Variants in PTH1R observed in about 807,000 individuals in gnomAD.
The protein encoded by PTH1R is parathyroid hormone 1 receptor.
A neutral mutation model predicts 70.7 loss-of-function variants in PTH1R; 32 were observed. That is an observed-to-expected ratio of 0.45 (90% CI 0.34 to 0.61). PTH1R has a LOEUF of 0.61. PTH1R is among the 20% of genes least tolerant of loss of function. The probability of loss-of-function intolerance (pLI) is 0.01; values close to 1 mark genes in which losing one functional copy is unlikely to be tolerated. For synonymous variants in PTH1R, 329 were observed against 324.8 expected, an observed-to-expected ratio of 1.01 and a Z score of -0.14; for missense variants, 626 against 792.5, an observed-to-expected ratio of 0.79 and a Z score of 2.52.
chr3:46,898,267 C>T lies in PTH1R; in HGVS notation c.543+75C>T, dbSNP rs1031513120. 1.4e-5 allele frequency: 22 copies of T among 1,575,310 alleles called. No homozygotes were observed. The African/African-American group carries it at 2.8e-4, about 20-fold the overall frequency. ...CCCACGGGTGACCCCTGACCCAGCCCTGACCCCTGACCTTGACTCCTCCAG... is the reference window on the plus strand; with the variant it reads ...CCCACGGGTGACCCCTGACCCAGCCTTGACCCCTGACCTTGACTCCTCCAG... On this transcript the variant is annotated intron_variant, in intron 7 of 15. Transcript: ENST00000449590.
chr3:46,899,502 G>A lies in PTH1R; in HGVS notation c.988+46G>A, dbSNP rs770799664. On this transcript the variant is annotated intron_variant, in intron 10 of 15. Transcript: ENST00000449590. ...GCGAGGTGCCGGCAGGGGTGGGACC[G>A]TGGGTGACAGGGAGAGGGCAGCCCC... is the stretch of plus-strand genomic sequence containing the variant. 5.7e-6 allele frequency: 9 copies of A among 1,588,406 alleles called. 1 individual carries two copies. The highest frequency in any genetic ancestry group is 5.1e-5 in the Admixed American group (3 of 59,378).
At position 46,900,551 on chromosome 3, in the gene PTH1R, T is replaced by C. The variant is rs990948709; in HGVS notation, c.989-474T>C. On this transcript the variant is annotated intron_variant, in intron 10 of 15. Transcript: ENST00000449590. ...GACACACCGAGGTCTCCCTGTGGCC[T>C]CTGCTTGGGACAAAACCTCTCACCC... Among the ~76,000 whole-genome samples the C allele has an allele frequency of 2.6e-5, 4 of 151,976 alleles. No homozygotes were observed. The South Asian group carries it at 8.3e-4, about 31-fold the overall frequency.
rs4683300 is a variant in PTH1R at position 46,892,802 on chromosome 3, C to A, written c.76-1105C>A. On this transcript the variant is annotated intron_variant, in intron 3 of 15. Transcript: ENST00000449590. The surrounding 1 kb of genome is among the most constrained non-coding windows in gnomAD (Gnocchi z 5.2). Reference sequence around the variant, plus strand: ...CAGCTCTGCCGCGGAGCTGAGGAGACGTAGCCTTCTGGGGTAGGGATGGAG... The same window carrying A: ...CAGCTCTGCCGCGGAGCTGAGGAGAAGTAGCCTTCTGGGGTAGGGATGGAG... The A allele has an allele frequency of 0.57, 564,532 of 985,226 alleles. 165,183 individuals are homozygous for A. The highest frequency in any genetic ancestry group is 0.6 in the Non-Finnish European group (496,084 of 829,792). The allele number at this position is 985,226 out of a possible 1,614,324, so 61.0% of individuals were successfully genotyped here.
At position 46,886,495 on chromosome 3, in the gene PTH1R, T is replaced by C. The variant is rs780997728; in HGVS notation, c.75+2861T>C. Among the ~76,000 whole-genome samples, 15 of 152,160 alleles carry C rather than the reference T, an allele frequency of 9.9e-5. No homozygotes were observed. In the South Asian group the frequency reaches 1.0e-3, roughly 11 times the overall value. ...GCCTCAGCCTCCTCAGTAGCTGGGA[T>C]TACAGGCGCCCGCCACCATGCCCAG... On this transcript the variant is annotated intron_variant, in intron 3 of 15. Coordinates refer to ENST00000449590, the MANE Select transcript of PTH1R (RefSeq NM_000316.3).
chr3:46,883,614 C>T lies in PTH1R; in HGVS notation c.55C>T (p.Leu19Phe), dbSNP rs1406684330. The T allele has an allele frequency of 6.5e-7, 1 of 1,544,720 alleles. No homozygotes were observed. The highest frequency in any genetic ancestry group is 2.0e-5 in the Admixed American group (1 of 51,020). ...GLALLLCCPV[L>F]SSAYALVDAD... ...GGCGCTCCTGCTCTGCTGCCCCGTG[C>T]TCAGCTCCGCGTACGCGCTGGTGAG... The change falls in exon 3 of 16, where the codon CTC (leucine) becomes TTC (phenylalanine). Residue 19 changes from leucine to phenylalanine, a missense_variant. This residue lies in a region of PTH1R where 123 missense variants were observed against 125.7 expected (regional missense o/e 0.98). Coordinates refer to ENST00000449590, the MANE Select transcript of PTH1R (RefSeq NM_000316.3). This position sits in a 1 kb window ranked among gnomAD's most constrained non-coding sequence, Gnocchi z 6.4.
chr3:46,894,269 C>A (rs540825860), intron 4 of PTH1R, among the ~76,000 whole-genome samples: 13 of 152,236 alleles, frequency 8.5e-5, no homozygotes, highest in African/African-American at 3.1e-4. Flanking sequence ...TGATAGCTGT[C>A]GGGTTAATCT....
chr3:46,894,060 C>G (rs2031591199), intron 4 of PTH1R, 51 bp downstream of exon 4: 1 of 1,570,608 alleles, frequency 6.4e-7, no homozygotes, highest in South Asian at 1.1e-5. Context: ...GAGGGAGGGG[C>G]CAGTCAAGGG....
intron 7 of PTH1R, 22 bp from the exon 8 acceptor site, chr3:46,898,356 T>C (rs370790055): frequency 3.8e-5 from 62 of 1,611,192 alleles, no homozygotes; most frequent in African/African-American, 5.3e-5. Flanking sequence ...GCTCTGACTG[T>C]GTCTCCCCCC....
chr3:46,888,905 C>G (rs964336038), intron 3 of PTH1R, among the ~76,000 whole-genome samples: 6 of 152,244 alleles, frequency 3.9e-5, no homozygotes, highest in South Asian at 2.1e-4. Flanking sequence ...CTCTTCCCCC[C>G]CAGCCCCTCC....
Position 46,895,771 on chromosome 3 carries a change from C to A in PTH1R, c.215C>A (p.Ala72Glu), listed in dbSNP as rs572975854. ...GAATCAGACAAGGGATGGACATCTG[C>A]GTCCACATCAGGGAAGCCCAGGAAA... ...IMESDKGWTSASTSGKPRKDK... is the reference protein window; with the variant it reads ...IMESDKGWTSESTSGKPRKDK... The change falls in exon 5 of 16, where the codon GCG (alanine) becomes GAG (glutamate). Residue 72 changes from alanine to glutamate, a missense_variant. Transcript: ENST00000449590. The A allele has an allele frequency of 6.2e-7, 1 of 1,614,024 alleles. No homozygotes were observed. The highest frequency in any genetic ancestry group is 1.3e-5 in the African/African-American group (1 of 74,908).
chr3:46,898,679 G>C lies in PTH1R; in HGVS notation c.656G>C (p.Arg219Pro). The C allele has an allele frequency of 6.2e-7, 1 of 1,612,406 alleles. No individual in the cohort carries two copies. Among genetic ancestry groups the C allele is most frequent in the Admixed American group, 1.7e-5 (1 of 60,012 alleles). ...CCCCGCAGGCGGCTGCACTGCACGCGCAACTACATCCACATGCACCTGTTC... is the reference window on the plus strand; with the variant it reads ...CCCCGCAGGCGGCTGCACTGCACGCCCAACTACATCCACATGCACCTGTTC... ...LAYFRRLHCT[R>P]NYIHMHLFLS... is the part of the protein sequence containing the mutation. Residue 219 changes from arginine (R) to proline (P), a missense_variant, in exon 9 of 16, where the codon CGC becomes CCC. This residue lies in a region of PTH1R where 495 missense variants were observed against 638.7 expected (regional missense o/e 0.77). Coordinates refer to ENST00000449590, the MANE Select transcript of PTH1R (RefSeq NM_000316.3).
chr3:46,892,849 C>T lies in PTH1R; in HGVS notation c.76-1058C>T, dbSNP rs2031513114. 1.0e-6 allele frequency: 1 copy of T among 970,452 alleles called. No homozygotes were observed. Among genetic ancestry groups the T allele is most frequent in the Non-Finnish European group, 1.2e-6 (1 of 816,278 alleles). The allele number at this position is 970,452 out of a possible 1,614,324, so 60.1% of individuals were successfully genotyped here. A position where few individuals can be genotyped will look rare whatever the true frequency, so the allele number is the denominator to read the frequency against. On this transcript the variant is annotated intron_variant, in intron 3 of 15. Coordinates refer to ENST00000449590, the MANE Select transcript of PTH1R (RefSeq NM_000316.3). The surrounding 1 kb of genome is among the most constrained non-coding windows in gnomAD (Gnocchi z 5.2). The stretch of plus-strand genomic sequence containing the variant: ...GGAGGGGGTCGTCTCAGGGGACATA[C>T]CCCTGCCCAGGGGTCTGAGGAAACA...
intron 7 of PTH1R, 72 bp downstream of exon 7, chr3:46,898,264 GCCCTGAC>G: frequency 6.3e-7 from 1 of 1,582,316 alleles, no homozygotes; most frequent in Admixed American, 1.7e-5. Context: ...CCCTGACCCA[GCCCTGAC>G]CCCTGACCTT....
At chr3:46,900,281 T>C (rs776382511) in intron 10 of PTH1R, among the ~76,000 whole-genome samples, 1 of 152,294 alleles carries the variant, frequency 6.6e-6, no homozygotes, top group East Asian at 1.9e-4. Context: ...GCTCTGGGGC[T>C]AGGAGGTGTC....
rs2032248901 is a variant in PTH1R, at chr3:46,903,410, G to A, written c.1536G>A (p.Val512=). 12 of 1,613,154 alleles carry A rather than the reference G, an allele frequency of 7.4e-6. No individual in the cohort carries two copies. Among genetic ancestry groups the A allele is most frequent in the Non-Finnish European group, 8.5e-6 (10 of 1,179,724 alleles). The change falls in exon 16 of 16, where the codon GTG becomes GTA. Residue 512 remains valine, a synonymous_variant. Transcript: ENST00000449590. The surrounding 1 kb of genome is among the most constrained non-coding windows in gnomAD (Gnocchi z 4.4). The stretch of plus-strand genomic sequence containing the variant: ...GTGTGACCAATGTCGGCCCCCGTGT[G>A]GGACTCGGCCTGCCCCTCAGCCCCC... ...HTSVTNVGPR[V]GLGLPLSPRL...
At position 46,902,903 on chromosome 3, in the gene PTH1R, C is replaced by T. The variant is rs1200508847; in HGVS notation, c.1395+113C>T. On this transcript the variant is annotated intron_variant, in intron 15 of 15. Coordinates refer to ENST00000449590, the MANE Select transcript of PTH1R (RefSeq NM_000316.3). This position sits in a 1 kb window ranked among gnomAD's most constrained non-coding sequence, Gnocchi z 5.4. ...TGTTATTTCTTTGTTCCTCCAAGAACACCCCTGAGGACATTCTGAAAGCAG... is the reference window on the plus strand; with the variant it reads ...TGTTATTTCTTTGTTCCTCCAAGAATACCCCTGAGGACATTCTGAAAGCAG... 1.4e-6 allele frequency: 2 copies of T among 1,437,076 alleles called. No individual in the cohort carries two copies. Among genetic ancestry groups the T allele is most frequent in the Non-Finnish European group, 9.7e-7 (1 of 1,028,434 alleles). 89.0% of individuals were successfully genotyped at this position (1,437,076 alleles called of 1,614,324 possible). A position where few individuals can be genotyped will look rare whatever the true frequency, so the allele number is the denominator to read the frequency against.
At chr3:46,887,740 G>A (rs1424841243) in intron 3 of PTH1R, among the ~76,000 whole-genome samples, 1 of 152,188 alleles carries the variant, frequency 6.6e-6, no homozygotes, top group Non-Finnish European at 1.5e-5. Context: ...ACGTAAATGT[G>A]TGTCTTAGAG....
At chr3:46,885,184 C>T (rs957074600) in intron 3 of PTH1R, among the ~76,000 whole-genome samples, 2 of 152,068 alleles carry the variant, frequency 1.3e-5, no homozygotes, top group African/African-American at 4.8e-5. Flanking sequence ...GGACTCTGGG[C>T]ATGGTGTTCA....
chr3:46,881,686 G>C (rs560741228), intron 2 of PTH1R, among the ~76,000 whole-genome samples: 8 of 152,160 alleles, frequency 5.3e-5, no homozygotes, highest in South Asian at 2.1e-4. Context: ...CGACAGGCCT[G>C]GGATGGGACT....
Sources: gnomAD v4.1 joint callset for allele counts (sites outside exome capture counted in the v4.1 genomes callset) on GRCh38, gnomAD v4.1.1 for gene constraint, gnomAD v4.1.1 regional missense constraint, Gnocchi (gnomAD v3.1) non-coding constraint, MANE v1.5 for transcripts, NCBI Gene and HGNC (gene_info 2026-07-23, HGNC 2026-07-21) for gene names.